Variants in KIAA1671 observed in about 807,000 individuals in gnomAD.
KIAA1671 encodes KIAA1671, also known as uncharacterized protein KIAA1671.
In KIAA1671, 52 loss-of-function variants were observed where a neutral mutation model predicts 131.2. The observed-to-expected ratio is 0.40, with a 90% confidence interval of 0.32 to 0.50. KIAA1671 has a LOEUF of 0.50. Ranked by LOEUF, KIAA1671 falls within the 20% of genes least tolerant of loss-of-function variation. The pLI is 0.73. For missense variants in KIAA1671, 2,360 were observed against 2,364.2 expected (o/e 1.00, Z 0.04); for synonymous variants, 1,003 against 961.6 (o/e 1.04, Z -0.80).
intron 12 of KIAA1671, among the ~76,000 whole-genome samples, chr22:25,191,165 T>TTTTA (rs1934662189): frequency 8.0e-6 from 1 of 125,358 alleles, no homozygotes; most frequent in African/African-American, 2.9e-5. Flanking sequence ...TTTTTTTTTT[T>TTTTA]GAGACAGAGT....
chr22:25,183,631 T>C (rs1601391887), intron 10 of KIAA1671, among the ~76,000 whole-genome samples: 1 of 152,100 alleles, frequency 6.6e-6, no homozygotes, highest in Middle Eastern at 3.4e-3. Context: ...CAAGCGATTC[T>C]CCTGCCTCAG....
At position 25,174,389 on chromosome 22, in the gene KIAA1671, A is replaced by T; in HGVS notation, c.4799A>T (p.Asp1600Val). The change falls in exon 8 of 13, where the codon GAC becomes GTC. Residue 1600 changes from aspartate to valine, a missense_variant. Transcript: ENST00000358431. ...CSRDQRSTSVDHSSTDLESTD... is the reference protein window; with the variant it reads ...CSRDQRSTSVVHSSTDLESTD... Reference sequence around the variant, plus strand: ...AGGGACCAGCGGAGCACCAGCGTGGACCACTCCAGCACTGACCTGGAATCC... The same window carrying T: ...AGGGACCAGCGGAGCACCAGCGTGGTCCACTCCAGCACTGACCTGGAATCC... 1.3e-6 allele frequency: 2 copies of T among 1,551,996 alleles called. No homozygotes were observed. The highest frequency in any genetic ancestry group is 1.7e-6 in the Non-Finnish European group (2 of 1,147,060).
At chr22:25,014,789 T>C (rs766042499) in intron 1 of KIAA1671, 1 of 152,112 alleles carries the variant, frequency 6.6e-6, no homozygotes, top group Non-Finnish European at 1.5e-5. Flanking sequence ...AGAAGTCTAG[T>C]GGAGGGGTGA....
intron 6 of KIAA1671, among the ~76,000 whole-genome samples, chr22:25,066,914 G>A (rs540603367): frequency 4.8e-4 from 73 of 152,260 alleles, no homozygotes; most frequent in African/African-American, 1.4e-3. Context: ...GGAGTGCCTC[G>A]GTCACATCTG....
At chr22:25,031,449 G>C (rs1258356519) in intron 3 of KIAA1671, among the ~76,000 whole-genome samples, 2 of 152,218 alleles carry the variant, frequency 1.3e-5, no homozygotes, top group African/African-American at 2.4e-5. Context: ...GCCCGCCTCA[G>C]CCTTCCAAAG....
intron 1 of KIAA1671, among the ~76,000 whole-genome samples, chr22:25,005,289 A>G (rs1223940560): frequency 6.7e-6 from 1 of 150,044 alleles, no homozygotes; most frequent in Non-Finnish European, 1.5e-5. Context: ...CGGAGGTTGC[A>G]GTGAGCCAAG....
At chr22:25,117,113 C>T (rs1931705682) in intron 6 of KIAA1671, among the ~76,000 whole-genome samples, 1 of 152,196 alleles carries the variant, frequency 6.6e-6, no homozygotes, top group Admixed American at 6.5e-5. Flanking sequence ...TGCCAAGTCT[C>T]TTGGGGGCAG....
chr22:25,054,859 A>G (rs1453938920), intron 6 of KIAA1671: 1 of 149,606 alleles, frequency 6.7e-6, no homozygotes, highest in Non-Finnish European at 1.5e-5. Flanking sequence ...CCAGGTAACT[A>G]TGGTCTGGGG....
chr22:25,025,513 T>C (rs908018192), intron 1 of KIAA1671, 120 bp from the exon 2 acceptor site: 5 of 152,274 alleles, frequency 3.3e-5, no homozygotes, highest in South Asian at 4.2e-4. Flanking sequence ...AAAAGGAGCA[T>C]ACGTTTTACA....
chr22:24,987,491 G>T (rs925804831), intron 1 of KIAA1671, among the ~76,000 whole-genome samples: 1 of 152,028 alleles, frequency 6.6e-6, no homozygotes, highest in Non-Finnish European at 1.5e-5. Flanking sequence ...TTTTGAGATG[G>T]AGTCTCACTC....
intron 6 of KIAA1671, among the ~76,000 whole-genome samples, chr22:25,169,947 GTCTC>G (rs1033095732): frequency 2.0e-5 from 3 of 152,096 alleles, no homozygotes; most frequent in African/African-American, 7.2e-5. Flanking sequence ...GAGATGGAGT[GTCTC>G]TCTGTCGCCC....
At chr22:25,050,468 A>G (rs1360196141) in intron 6 of KIAA1671, 1 of 152,250 alleles carries the variant, frequency 6.6e-6, no homozygotes, top group African/African-American at 2.4e-5. Flanking sequence ...AGCTTCAGGG[A>G]TACCTGGGCC....
chr22:24,973,498 A>G (rs1851526581), intron 1 of KIAA1671, among the ~76,000 whole-genome samples: 1 of 146,282 alleles, frequency 6.8e-6, no homozygotes, highest in Non-Finnish European at 1.5e-5. Context: ...TCCCGGTTCA[A>G]GCAATTCTGC....
Position 25,040,357 on chromosome 22 carries a change from A to G in KIAA1671, c.3227A>G (p.His1076Arg), listed in dbSNP as rs1926842530. Residue 1076 changes from histidine (H) to arginine (R), a missense_variant, in exon 5 of 13, where the codon CAT becomes CGT. Coordinates refer to ENST00000358431, the MANE Select transcript of KIAA1671 (RefSeq NM_001145206.2). ...SLTSTLVSLG[H>R]EEALEMAGSK... ...ACATCCACTTTGGTTTCTCTTGGTC[A>G]TGAAGAGGCATTGGAGATGGCAGGC... 6.4e-7 allele frequency: 1 copy of G among 1,551,838 alleles called. No individual in the cohort carries two copies. Among genetic ancestry groups the G allele is most frequent in the South Asian group, 1.2e-5 (1 of 84,060 alleles).
At chr22:25,094,990 A>T (rs1930327467) in intron 6 of KIAA1671, among the ~76,000 whole-genome samples, 1 of 152,180 alleles carries the variant, frequency 6.6e-6, no homozygotes, top group African/African-American at 2.4e-5. Flanking sequence ...AAACAGACAG[A>T]TATGAGTGCG....
In KIAA1671 at chr22:25,098,634, G is replaced by A. The variant is rs1024306322; in HGVS notation, c.4530+49270G>A. Among the ~76,000 whole-genome samples the A allele has an allele frequency of 2.0e-5, 3 of 151,426 alleles. No homozygotes were observed. The East Asian group carries it at 5.8e-4, about 29-fold the overall frequency. ...GGAAACAACTGGGTGGAGGGGGCGG[G>A]GGGGGGTTTGCTCTGATTGCCCTGA... On this transcript the variant is annotated intron_variant, in intron 6 of 12. Coordinates refer to ENST00000358431, the MANE Select transcript of KIAA1671 (RefSeq NM_001145206.2).
At chr22:25,160,363 C>T (rs1933397924) in intron 6 of KIAA1671, among the ~76,000 whole-genome samples, 1 of 152,204 alleles carries the variant, frequency 6.6e-6, no homozygotes, top group Non-Finnish European at 1.5e-5. Context: ...CCCCCTCATT[C>T]AGAGGCTTGG....
At chr22:24,976,380 A>T (rs763380141) in intron 1 of KIAA1671, among the ~76,000 whole-genome samples, 3 of 152,248 alleles carry the variant, frequency 2.0e-5, no homozygotes, top group Admixed American at 6.5e-5. Context: ...GGAGCTGAGC[A>T]GGGACACAAA....
chr22:25,050,273 G>A (rs1174498693), intron 6 of KIAA1671: 1 of 152,250 alleles, frequency 6.6e-6, no homozygotes, highest in African/African-American at 2.4e-5. Flanking sequence ...TGCCCACATG[G>A]GTTCCAGGGC....
Sources: gnomAD v4.1 joint callset for allele counts (sites outside exome capture counted in the v4.1 genomes callset) on GRCh38, gnomAD v4.1.1 for gene constraint, MANE v1.5 for transcripts, NCBI Gene and HGNC (gene_info 2026-07-23, HGNC 2026-07-21) for gene names.